Variants in SFXN5 observed in about 807,000 individuals in gnomAD.
SFXN5 encodes the protein sideroflexin-5.
In SFXN5, 43 loss-of-function variants were observed where a neutral mutation model predicts 50.2. The ratio of observed to expected loss-of-function variants is 0.86; its 90% CI spans 0.67 to 1.11. The LOEUF is 1.11. SFXN5 is among the 50% of genes least tolerant of loss of function. The pLI is 0.00. For missense variants in SFXN5, 463 were observed against 454.1 expected, an observed-to-expected ratio of 1.02 and a Z score of -0.18; for synonymous variants, 203 against 185.8, an observed-to-expected ratio of 1.09 and a Z score of -0.75.
intron 6 of SFXN5, among the ~76,000 whole-genome samples, chr2:73,014,539 A>T (rs2105788695): frequency 6.6e-6 from 1 of 152,330 alleles, no homozygotes; most frequent in South Asian, 2.1e-4. Context: ...GCTTGTATTC[A>T]TGTAACTTTT....
At chr2:72,951,819 C>T (rs1036853631) in intron 13 of SFXN5, among the ~76,000 whole-genome samples, 2 of 152,184 alleles carry the variant, frequency 1.3e-5, no homozygotes, top group African/African-American at 2.4e-5. Flanking sequence ...CAGAAGGTGG[C>T]GACATTGACG....
intron 6 of SFXN5, among the ~76,000 whole-genome samples, chr2:73,003,822 T>G (rs554075722): frequency 1.1e-4 from 17 of 152,102 alleles, no homozygotes; most frequent in Non-Finnish European, 1.8e-4. Flanking sequence ...ACACTGCCCA[T>G]GGCTCTGTGA....
intron 1 of SFXN5, among the ~76,000 whole-genome samples, chr2:73,063,918 T>C (rs551777168): frequency 4.6e-5 from 7 of 152,354 alleles, no homozygotes; most frequent in African/African-American, 9.6e-5. Context: ...CCCTCCCAAA[T>C]TCAGCTCCCA....
At chr2:72,994,443 C>G (rs1032507531) in intron 9 of SFXN5, among the ~76,000 whole-genome samples, 1 of 152,064 alleles carries the variant, frequency 6.6e-6, no homozygotes, top group Non-Finnish European at 1.5e-5. Context: ...ACAGAAGGGA[C>G]CCCCCAGGGC....
intron 9 of SFXN5, among the ~76,000 whole-genome samples, 181 bp from the exon 10 acceptor site, chr2:72,988,529 A>G (rs917070866): frequency 4.6e-5 from 7 of 152,066 alleles, no homozygotes; most frequent in African/African-American, 1.5e-4. Context: ...GTCGCTGCTT[A>G]AAGTACCACT....
intron 6 of SFXN5, among the ~76,000 whole-genome samples, chr2:73,002,102 G>T (rs934906198): frequency 6.6e-6 from 1 of 152,230 alleles, no homozygotes; most frequent in African/African-American, 2.4e-5. Context: ...GGCCTTAAGT[G>T]CTTTGTAAAT....
intron 1 of SFXN5, among the ~76,000 whole-genome samples, chr2:73,067,722 T>C (rs1010390861): frequency 1.3e-5 from 2 of 152,158 alleles, no homozygotes; most frequent in Non-Finnish European, 2.9e-5. Context: ...AGGCCGGCTT[T>C]AAGTTGGCAA....
intron 6 of SFXN5, among the ~76,000 whole-genome samples, chr2:73,015,989 T>C (rs1196586026): frequency 6.6e-6 from 1 of 152,250 alleles, no homozygotes; most frequent in Admixed American, 6.5e-5. Flanking sequence ...CTAGGCAGTT[T>C]TGGTAAGCTG....
chr2:73,031,076 C>T (rs1678239692), intron 3 of SFXN5, among the ~76,000 whole-genome samples: 1 of 152,150 alleles, frequency 6.6e-6, no homozygotes, highest in African/African-American at 2.4e-5. Flanking sequence ...CCTTTATTGA[C>T]CCTTATGGCA....
intron 2 of SFXN5, among the ~76,000 whole-genome samples, chr2:73,052,551 T>C (rs1042030850): frequency 6.6e-6 from 1 of 151,580 alleles, no homozygotes; most frequent in Admixed American, 6.6e-5. Flanking sequence ...CCCCAAATAG[T>C]TTCAGATTGT....
Position 73,038,011 on chromosome 2 carries a change from A to G in SFXN5, c.249+2843T>C, listed in dbSNP as rs137940379. ...CAGAAATCTTCAGATTGCAAGGAGC[A>G]CTGAAAATACAGTCATGCGTCACTT... On this transcript the variant is annotated intron_variant, in intron 3 of 13. Coordinates refer to ENST00000272433, the MANE Select transcript of SFXN5 (RefSeq NM_144579.3). Among the ~76,000 whole-genome samples the G allele has an allele frequency of 3.9e-5, 6 of 152,342 alleles. No individual in the cohort carries two copies. The East Asian group carries it at 1.2e-3, about 29-fold the overall frequency.
chr2:72,960,902 C>T lies in SFXN5; in HGVS notation c.945+229G>A, dbSNP rs1173782563. 2.0e-5 allele frequency among the ~76,000 whole-genome samples: 3 copies of T among 152,202 alleles called. No homozygotes were observed. Among genetic ancestry groups the T allele is most frequent in the Non-Finnish European group, 4.4e-5 (3 of 68,030 alleles). On this transcript the variant is annotated intron_variant, in intron 13 of 13. Transcript: ENST00000272433. The surrounding 1 kb of genome is among the most constrained non-coding windows in gnomAD (Gnocchi z 6.1). ...CTGTCTCCTTCCACACCCAGTGGAG[C>T]TTCTCCCACCCTAACGCTCCTGGCT... is the stretch of plus-strand genomic sequence containing the variant.
At chr2:72,963,549 G>A (rs1674008149) in intron 12 of SFXN5, among the ~76,000 whole-genome samples, 1 of 151,964 alleles carries the variant, frequency 6.6e-6, no homozygotes, top group Non-Finnish European at 1.5e-5. Flanking sequence ...GGAGGGGGGA[G>A]GAAAATGGCA....
At chr2:73,010,509 T>G (rs1285282882) in intron 6 of SFXN5, among the ~76,000 whole-genome samples, 2 of 152,080 alleles carry the variant, frequency 1.3e-5, no homozygotes, top group Non-Finnish European at 2.9e-5. Context: ...ATTGTGGGGG[T>G]CCTCCTTATC....
At chr2:73,002,903 A>G (rs894801392) in intron 6 of SFXN5, among the ~76,000 whole-genome samples, 1 of 152,260 alleles carries the variant, frequency 6.6e-6, no homozygotes, top group African/African-American at 2.4e-5. Flanking sequence ...TCTCTGGCAG[A>G]AAATGATCCC....
intron 10 of SFXN5, among the ~76,000 whole-genome samples, chr2:72,975,532 A>G (rs1413658908): frequency 6.6e-6 from 1 of 152,206 alleles, no homozygotes; most frequent in African/African-American, 2.4e-5. Context: ...TAACTCCTCA[A>G]TTCTACGATG....
In SFXN5 at chr2:73,005,370, T is replaced by C. The variant is rs112435866; in HGVS notation, c.358-3792A>G. Among the ~76,000 whole-genome samples, 672 of 152,324 alleles carry C rather than the reference T, an allele frequency of 4.4e-3. 9 individuals carry two copies. Among genetic ancestry groups the C allele is most frequent in the African/African-American group, 0.013 (556 of 41,566 alleles). On this transcript the variant is annotated intron_variant, in intron 6 of 13. Transcript: ENST00000272433. ...GGGTGTCCTACCATGGACCTAGTGA[T>C]TAACGCTCAGGCTCTGGTTGTCAAA...
chr2:72,989,844 CCT>C (rs1202295792), intron 9 of SFXN5, among the ~76,000 whole-genome samples: 1 of 152,144 alleles, frequency 6.6e-6, no homozygotes, highest in East Asian at 1.9e-4. Flanking sequence ...AAAGCCAGCC[CCT>C]GTGCTGTCTT....
At chr2:72,998,229 C>T (rs1673478574) in intron 9 of SFXN5, 1 of 152,138 alleles carries the variant, frequency 6.6e-6, no homozygotes, top group Non-Finnish European at 1.5e-5. Flanking sequence ...GACGTAGGTA[C>T]AGGGGCGGGC....
Sources: allele counts gnomAD v4.1 joint callset (sites outside exome capture counted in the v4.1 genomes callset), GRCh38; gene constraint gnomAD v4.1.1; non-coding constraint Gnocchi (gnomAD v3.1); transcripts MANE v1.5; gene names NCBI Gene and HGNC (gene_info 2026-07-23, HGNC 2026-07-21).